FBXO31: variants seen among roughly 807,000 people sequenced by gnomAD.
The protein encoded by FBXO31 is F-box protein 31, also known as F-box only protein 31.
FBXO31 carries 24 observed loss-of-function variants against 54.4 expected under a neutral mutation model. That is an observed-to-expected ratio of 0.44 (90% confidence interval 0.32 to 0.62). FBXO31 has a LOEUF of 0.62. Among genes scored for constraint, FBXO31 ranks in the 20% least tolerant of loss-of-function variants. The pLI is 0.05. For missense variants in FBXO31, 665 were observed against 787.1 expected, an observed-to-expected ratio of 0.84 and a Z score of 1.86; for synonymous variants, 388 against 335.6, an observed-to-expected ratio of 1.16 and a Z score of -1.71.
At chr16:87,347,891 C>A (rs1461416798) in intron 2 of FBXO31, among the ~76,000 whole-genome samples, 1 of 152,160 alleles carries the variant, frequency 6.6e-6, no homozygotes, top group African/African-American at 2.4e-5. Flanking sequence ...CGCTACAAGG[C>A]ATGTCATAAG....
intron 1 of FBXO31, among the ~76,000 whole-genome samples, chr16:87,368,323 T>C (rs1906453491): frequency 1.3e-5 from 2 of 152,250 alleles, no homozygotes; most frequent in South Asian, 4.1e-4. Flanking sequence ...AAAAAGTCTT[T>C]TAAAAAATAG....
Position 87,327,746 on chromosome 16 carries a change from G to A in FBXO31, c.*3542C>T, listed in dbSNP as rs1904699039. ...TTACGGGGATGAGGAGTCCAGTGAT[G>A]TTCCTGGTCTCTCCCCAGAAGTACA... On this transcript the variant is annotated 3_prime_UTR_variant, in exon 9 of 9. Transcript: ENST00000311635. The A allele has an allele frequency of 6.6e-6, 1 of 152,268 alleles. No homozygotes were observed. The highest frequency in any genetic ancestry group is 1.5e-5 in the Non-Finnish European group (1 of 68,058). The allele number at this position is 152,268 out of a possible 1,614,324, so 9.4% of individuals were successfully genotyped here. A position where few individuals can be genotyped will look rare whatever the true frequency, so the allele number is the denominator to read the frequency against.
intron 2 of FBXO31, among the ~76,000 whole-genome samples, chr16:87,357,327 C>CT (rs34678078): frequency 0.076 from 9,430 of 123,392 alleles, 514 homozygotes; most frequent in Non-Finnish European, 0.11. Flanking sequence ...GAATTCGGTT[C>CT]TTTTTTTTTT....
rs114690817 is a variant in FBXO31 at position 87,351,433 on chromosome 16, G to A, written c.413-4183C>T. Among the ~76,000 whole-genome samples, 1,061 of 152,192 alleles carry A rather than the reference G, an allele frequency of 7.0e-3. 10 individuals are homozygous for A. Among genetic ancestry groups the A allele is most frequent in the African/African-American group, 0.024 (1,012 of 41,500 alleles). On this transcript the variant is annotated intron_variant, in intron 2 of 8. Coordinates refer to ENST00000311635, the MANE Select transcript of FBXO31 (RefSeq NM_024735.5). ...GCGGGGGAAAGGAGCCAGGAACAAC[G>A]TTCCCCGCACTTCAGTGCCCCACAA...
At chr16:87,354,607 C>T (rs1034243554) in intron 2 of FBXO31, among the ~76,000 whole-genome samples, 1 of 152,130 alleles carries the variant, frequency 6.6e-6, no homozygotes, top group Non-Finnish European at 1.5e-5. Flanking sequence ...TCCAGAGTGC[C>T]AGGCAACCTC....
At chr16:87,356,765 T>G (rs1421574649) in intron 2 of FBXO31, among the ~76,000 whole-genome samples, 1 of 152,154 alleles carries the variant, frequency 6.6e-6, no homozygotes, top group African/African-American at 2.4e-5. Context: ...AAACTTAAGA[T>G]GTAGGTCTGC....
intron 7 of FBXO31, among the ~76,000 whole-genome samples, 172 bp from the exon 8 acceptor site, chr16:87,334,458 G>A (rs902136326): frequency 3.3e-5 from 5 of 152,230 alleles, no homozygotes; most frequent in African/African-American, 1.2e-4. Context: ...GAAAGTGGCA[G>A]GGCCAGCAAC....
Position 87,329,474 on chromosome 16 carries a change from T to G in FBXO31, c.*1814A>C, listed in dbSNP as rs1438329099. 1 of 152,276 alleles carries G rather than the reference T, an allele frequency of 6.6e-6. No homozygotes were observed. The highest frequency in any genetic ancestry group is 1.5e-5 in the Non-Finnish European group (1 of 68,068). 9.4% of individuals were successfully genotyped at this position (152,276 alleles called of 1,614,324 possible). On this transcript the variant is annotated 3_prime_UTR_variant, in exon 9 of 9. Coordinates refer to ENST00000311635, the MANE Select transcript of FBXO31 (RefSeq NM_024735.5). The stretch of plus-strand genomic sequence containing the variant: ...GTAAAAAAGCATTTGCTTGATTTTA[T>G]TTAAACAATGGTGAATCTTCAAGGT...
rs191609863 is a variant in FBXO31 at position 87,336,803 on chromosome 16, A to T, written c.733-539T>A. Among the ~76,000 whole-genome samples the T allele has an allele frequency of 6.6e-6, 1 of 152,312 alleles. No individual in the cohort carries two copies. Among genetic ancestry groups the T allele is most frequent in the Non-Finnish European group, 1.5e-5 (1 of 68,032 alleles). ...TTTCAAAGGAAAAGCAGGTATGTTA[A>T]GGCGGTTCCCAAAAACTCCGCAGCC... On this transcript the variant is annotated intron_variant, in intron 5 of 8. Transcript: ENST00000311635. This position sits in a 1 kb window ranked among gnomAD's most constrained non-coding sequence, Gnocchi z 6.5.
intron 2 of FBXO31, among the ~76,000 whole-genome samples, chr16:87,359,682 A>G (rs1218999369): frequency 1.3e-5 from 2 of 152,260 alleles, no homozygotes; most frequent in African/African-American, 4.8e-5. Context: ...AAAAAAGCCA[A>G]GAGCTTCGTC....
rs534345082 is a variant in FBXO31, at chr16:87,340,199, A to G, written c.732+2678T>C. 1.8e-4 allele frequency among the ~76,000 whole-genome samples: 27 copies of G among 152,348 alleles called. No individual in the cohort carries two copies. The East Asian group carries it at 5.2e-3, about 29-fold the overall frequency. On this transcript the variant is annotated intron_variant, in intron 5 of 8. Coordinates refer to ENST00000311635, the MANE Select transcript of FBXO31 (RefSeq NM_024735.5). ...TTGGGAGTGAGGCTGAGGCAGGAGA[A>G]TCACCTGAACCCAGGAGGCGGAGGT...
chr16:87,334,998 G>A (rs1904998763), intron 7 of FBXO31, among the ~76,000 whole-genome samples: 1 of 152,184 alleles, frequency 6.6e-6, no homozygotes, highest in Non-Finnish European at 1.5e-5. Context: ...CTCTGTGTGG[G>A]GTCTGCTGTC....
At chr16:87,347,757 T>C (rs1382655194) in intron 2 of FBXO31, among the ~76,000 whole-genome samples, 1 of 149,938 alleles carries the variant, frequency 6.7e-6, no homozygotes, top group Non-Finnish European at 1.5e-5. Flanking sequence ...TCCCATGAAG[T>C]GATGAGCCTC....
At chr16:87,391,029 T>G (rs2059259), upstream of FBXO31, among the ~76,000 whole-genome samples, 69,505 of 152,246 alleles carry the variant, frequency 0.46, 17,977 homozygotes, top group East Asian at 1. Flanking sequence ...TATGGGGCTC[T>G]TTCAAAGTAT....
At chr16:87,364,958 G>T (rs970891426) in intron 1 of FBXO31, among the ~76,000 whole-genome samples, 2 of 138,144 alleles carry the variant, frequency 1.4e-5, no homozygotes, top group African/African-American at 5.5e-5. Context: ...AGTGGGCCAA[G>T]ATAACACCAC....
chr16:87,380,487 G>A lies in FBXO31; in HGVS notation c.340+2918C>T, dbSNP rs117680136. On this transcript the variant is annotated intron_variant, in intron 1 of 8. Coordinates refer to ENST00000311635, the MANE Select transcript of FBXO31 (RefSeq NM_024735.5). ...CATGTTCACAGCTCACTGCAGCCTC[G>A]ACCGCCTCAGGGTCAGGTGATCCTC... Among the ~76,000 whole-genome samples, 726 of 151,912 alleles carry A rather than the reference G, an allele frequency of 4.8e-3. 3 individuals carry two copies. Among genetic ancestry groups the A allele is most frequent in the Middle Eastern group, 0.01 (3 of 294 alleles).
upstream of FBXO31, among the ~76,000 whole-genome samples, chr16:87,387,460 CATTTT>C (rs1334451666): frequency 6.6e-6 from 1 of 152,168 alleles, no homozygotes; most frequent in African/African-American, 2.4e-5. Context: ...TAGGGCTGGG[CATTTT>C]CCAATTGGTT....
At chr16:87,381,076 A>C (rs1445546913) in intron 1 of FBXO31, among the ~76,000 whole-genome samples, 1 of 152,220 alleles carries the variant, frequency 6.6e-6, no homozygotes, top group East Asian at 1.9e-4. Flanking sequence ...TCTGAGTCTT[A>C]CAGCTACACA....
intron 1 of FBXO31, among the ~76,000 whole-genome samples, chr16:87,377,367 G>T (rs1485531287): frequency 3.3e-5 from 5 of 152,110 alleles, no homozygotes; most frequent in Non-Finnish European, 5.9e-5. Flanking sequence ...GATCATTTAC[G>T]CCGGAGAAGT....
Sources: allele counts gnomAD v4.1 joint callset (sites outside exome capture counted in the v4.1 genomes callset), GRCh38; gene constraint gnomAD v4.1.1; non-coding constraint Gnocchi (gnomAD v3.1); transcripts MANE v1.5; gene names NCBI Gene and HGNC (gene_info 2026-07-23, HGNC 2026-07-21).